The following OCA2 variants were observed in gnomAD, a reference collection of about 807,000 sequenced individuals.
OCA2 encodes OCA2 melanosomal transmembrane protein, also known as P protein.
In OCA2, 77 loss-of-function variants were observed where a neutral mutation model predicts 100.2. That is an observed-to-expected ratio of 0.77 (90% CI 0.64 to 0.93). The LOEUF is 0.93. Ranked by LOEUF, OCA2 falls within the 40% of genes least tolerant of loss-of-function variation. OCA2 has a pLI of 0.00. For missense variants in OCA2, 1,062 were observed against 1,089.1 expected, an observed-to-expected ratio of 0.98 and a Z score of 0.35; for synonymous variants, 432 against 439.2, an observed-to-expected ratio of 0.98 and a Z score of 0.21.
intron 14 of OCA2, among the ~76,000 whole-genome samples, chr15:27,972,381 G>T (rs1232949392): frequency 1.3e-5 from 2 of 152,176 alleles, no homozygotes; most frequent in African/African-American, 4.8e-5. Context: ...TGGATTGCTG[G>T]ATTGAATGGT....
At chr15:27,965,953 C>CTGTTTGTT (rs112228806) in intron 15 of OCA2, among the ~76,000 whole-genome samples, 5,183 of 150,912 alleles carry the variant, frequency 0.034, 239 homozygotes, top group African/African-American at 0.11. Flanking sequence ...TCAGCATCTG[C>CTGTTTGTT]TGTTTGTTTG....
intron 23 of OCA2, among the ~76,000 whole-genome samples, chr15:27,767,008 C>T (rs75236462): frequency 0.015 from 2,218 of 152,310 alleles, 18 homozygotes; most frequent in South Asian, 0.023. Context: ...CCCTATCCAG[C>T]GGGAAGTCCC....
At chr15:27,779,528 T>C (rs1056897140) in intron 23 of OCA2, among the ~76,000 whole-genome samples, 1 of 152,218 alleles carries the variant, frequency 6.6e-6, no homozygotes, top group Non-Finnish European at 1.5e-5. Context: ...TCTTTGTCTC[T>C]TGTGACAGTT....
At chr15:28,015,402 A>T (rs1467203590) in intron 8 of OCA2, among the ~76,000 whole-genome samples, 1 of 152,230 alleles carries the variant, frequency 6.6e-6, no homozygotes, top group Non-Finnish European at 1.5e-5. Flanking sequence ...TATGGGCCGA[A>T]TTATGTCCCC....
chr15:27,957,136 G>A lies in OCA2; in HGVS notation c.1784+452C>T, dbSNP rs965404225. Among the ~76,000 whole-genome samples, 13 of 152,170 alleles carry A rather than the reference G, an allele frequency of 8.5e-5. No homozygotes were observed. The highest frequency in any genetic ancestry group is 3.1e-4 in the African/African-American group (13 of 41,444). ...TTAAATCTCAGCTTCAATTAACAACGAATGCCAGGAAACAAATTGAGTGGG... is the reference window on the plus strand; with the variant it reads ...TTAAATCTCAGCTTCAATTAACAACAAATGCCAGGAAACAAATTGAGTGGG... On this transcript the variant is annotated intron_variant, in intron 16 of 23. Transcript: ENST00000354638. The surrounding 1 kb of genome is among the most constrained non-coding windows in gnomAD (Gnocchi z 4.3).
At chr15:27,797,746 A>C (rs1464174642) in intron 23 of OCA2, among the ~76,000 whole-genome samples, 1 of 152,218 alleles carries the variant, frequency 6.6e-6, no homozygotes, top group Non-Finnish European at 1.5e-5. Flanking sequence ...CAGGTTCACT[A>C]AGATGCACCC....
Position 27,939,051 on chromosome 15 carries a change from A to G in OCA2, c.1951+12733T>C, listed in dbSNP as rs75047856. Among the ~76,000 whole-genome samples the G allele has an allele frequency of 7.9e-4, 121 of 152,320 alleles. 2 individuals are homozygous for G. The East Asian group carries it at 0.013, about 17-fold the overall frequency. The stretch of plus-strand genomic sequence containing the variant: ...GGAACCAACCAGAGCTTAACTGAAC[A>G]TTGGAGCTCTTCTGTGGTCTCAAGC... On this transcript the variant is annotated intron_variant, in intron 18 of 23. Coordinates refer to ENST00000354638, the MANE Select transcript of OCA2 (RefSeq NM_000275.3).
rs760853582 is a variant in OCA2, at chr15:27,755,395, C to T, written c.2510G>A (p.Trp837Ter). 1.9e-6 allele frequency: 3 copies of T among 1,611,722 alleles called. No individual in the cohort carries two copies. The Admixed American group carries it at 5.0e-5, about 27-fold the overall frequency. The change falls in exon 24 of 24, where the codon TGG becomes TAG. Residue 837 changes from tryptophan (W) to a stop codon, truncating the protein, a stop_gained. Coordinates refer to ENST00000354638, the MANE Select transcript of OCA2 (RefSeq NM_000275.3). LOFTEE classifies it high-confidence loss of function. ...GCAATAGATGGATGTCTATTAATTCCATCCCACCACCACATGAGCCACAAG... is the reference window on the plus strand; with the variant it reads ...GCAATAGATGGATGTCTATTAATTCTATCCCACCACCACATGAGCCACAAG... ...YLLVAHVVVG[W>*]N
chr15:27,930,305 C>T (rs1424640354), intron 18 of OCA2, among the ~76,000 whole-genome samples: 2 of 152,086 alleles, frequency 1.3e-5, no homozygotes, highest in Non-Finnish European at 2.9e-5. Flanking sequence ...GAATACTACT[C>T]AGTAATAACA....
Position 28,095,224 on chromosome 15 carries a change from G to A in OCA2, c.-22+4000C>T, listed in dbSNP as rs1270488406. Among the ~76,000 whole-genome samples the A allele has an allele frequency of 3.3e-5, 5 of 152,162 alleles. No homozygotes were observed. In the East Asian group the frequency reaches 9.7e-4, roughly 30 times the overall value. On this transcript the variant is annotated intron_variant, in intron 1 of 23. Coordinates refer to ENST00000354638, the MANE Select transcript of OCA2 (RefSeq NM_000275.3). The stretch of plus-strand genomic sequence containing the variant: ...GACTCGGAGCAGAGCTCGAGCTGGC[G>A]GATCCCCGGTTGGCGCCCGGCGGGA...
chr15:27,772,089 G>A (rs543368955), intron 23 of OCA2, among the ~76,000 whole-genome samples: 29 of 152,344 alleles, frequency 1.9e-4, no homozygotes, highest in African/African-American at 5.8e-4. Context: ...AGCCGCCTGC[G>A]GGCCCACGAG....
At chr15:28,067,733 T>C (rs1270727855) in intron 2 of OCA2, among the ~76,000 whole-genome samples, 1 of 152,210 alleles carries the variant, frequency 6.6e-6, no homozygotes, top group Admixed American at 6.5e-5. Flanking sequence ...TTTGAATTTA[T>C]TGAAACTTGC....
chr15:27,913,924 CAAGCAAGA>C (rs1371507543), intron 19 of OCA2, among the ~76,000 whole-genome samples: 26 of 63,894 alleles, frequency 4.1e-4, no homozygotes, highest in South Asian at 1.2e-3. Context: ...AGCAAGCAAG[CAAGCAAGA>C]AAGAAAGAAA....
chr15:27,761,067 G>T (rs1174240377), intron 23 of OCA2, among the ~76,000 whole-genome samples: 1 of 151,768 alleles, frequency 6.6e-6, no homozygotes, highest in African/African-American at 2.4e-5. Context: ...ATTCAACATA[G>T]TACTGAAAGC....
chr15:27,902,820 G>A (rs908407004), intron 19 of OCA2, among the ~76,000 whole-genome samples: 11 of 152,228 alleles, frequency 7.2e-5, no homozygotes, highest in African/African-American at 2.7e-4. Context: ...CTTTGGGGAG[G>A]CGGGCAGGCG....
At chr15:27,943,360 C>T (rs1375627009) in intron 18 of OCA2, among the ~76,000 whole-genome samples, 1 of 114,812 alleles carries the variant, frequency 8.7e-6, no homozygotes, top group Non-Finnish European at 1.9e-5. Context: ...TCTAGTATAA[C>T]ATCACATGAC....
chr15:28,070,437 G>T (rs1207406671), intron 2 of OCA2, among the ~76,000 whole-genome samples: 6 of 125,908 alleles, frequency 4.8e-5, no homozygotes, highest in African/African-American at 2.4e-4. Context: ...CCGGGAGGGA[G>T]ATGGGGGGGT....
At chr15:27,901,858 G>C (rs2037950724) in intron 19 of OCA2, among the ~76,000 whole-genome samples, 1 of 152,170 alleles carries the variant, frequency 6.6e-6, no homozygotes, top group East Asian at 1.9e-4. Flanking sequence ...CTCACCTGGA[G>C]TATCCAGGGC....
At chr15:27,889,543 T>G (rs2037370528) in intron 19 of OCA2, among the ~76,000 whole-genome samples, 1 of 152,222 alleles carries the variant, frequency 6.6e-6, no homozygotes, top group Admixed American at 6.5e-5. Flanking sequence ...AGCTGGCACC[T>G]CAGCCCTCCT....
Sources: gnomAD v4.1 joint callset for allele counts (sites outside exome capture counted in the v4.1 genomes callset) on GRCh38, gnomAD v4.1.1 for gene constraint, Gnocchi (gnomAD v3.1) non-coding constraint, MANE v1.5 for transcripts, NCBI Gene and HGNC (gene_info 2026-07-23, HGNC 2026-07-21) for gene names.